MPP7: variants seen among roughly 807,000 people sequenced by gnomAD.
The protein encoded by MPP7 is MAGUK p55 scaffold protein 7.
Under a neutral mutation model 76.5 loss-of-function variants are expected in MPP7, and 60 were observed. That is an observed-to-expected ratio of 0.78 (90% CI 0.64 to 0.97). The LOEUF is 0.97. Among genes scored for constraint, MPP7 ranks in the 50% least tolerant of loss-of-function variants. The pLI, the probability that MPP7 is intolerant of heterozygous loss-of-function variation, is 0.00. For synonymous variants in MPP7, 237 were observed against 244.5 expected (o/e 0.97, Z 0.29); for missense variants, 641 against 694.0 (o/e 0.92, Z 0.86).
At chr10:28,121,935 TCA>T (rs1207188213) in intron 8 of MPP7, among the ~76,000 whole-genome samples, 2 of 152,168 alleles carry the variant, frequency 1.3e-5, no homozygotes, top group Admixed American at 6.5e-5. Context: ...AAATGGTGCA[TCA>T]CACAGTCAGC....
intron 2 of MPP7, among the ~76,000 whole-genome samples, chr10:28,228,497 G>A (rs561733070): frequency 2.6e-5 from 4 of 152,268 alleles, no homozygotes; most frequent in Non-Finnish European, 4.4e-5. Context: ...CAGGCACAGT[G>A]GCTCACACCT....
chr10:28,252,830 G>C (rs1467294621), intron 1 of MPP7, among the ~76,000 whole-genome samples: 1 of 152,060 alleles, frequency 6.6e-6, no homozygotes, highest in Non-Finnish European at 1.5e-5. Flanking sequence ...ACATCCACGT[G>C]TGGCAGAAAT....
intron 1 of MPP7, among the ~76,000 whole-genome samples, chr10:28,273,164 C>T (rs1840382249): frequency 6.6e-6 from 1 of 152,144 alleles, no homozygotes; most frequent in African/African-American, 2.4e-5. Context: ...GTGATCCACC[C>T]ACCTCGGCCT....
chr10:28,194,134 C>T lies in MPP7; in HGVS notation c.156+8019G>A, dbSNP rs61843023. 4.0e-3 allele frequency among the ~76,000 whole-genome samples: 605 copies of T among 152,328 alleles called. 1 individual carries two copies. Among genetic ancestry groups the T allele is most frequent in the South Asian group, 9.3e-3 (45 of 4,828 alleles). On this transcript the variant is annotated intron_variant, in intron 3 of 16. Transcript: ENST00000683449. ...GATTCAAGCGATTCTTCTGCCTCAG[C>T]TTCTCAAGTAGCTGGGACTACAGGC...
upstream of MPP7, among the ~76,000 whole-genome samples, chr10:28,304,615 C>G (rs1251738411): frequency 6.6e-6 from 1 of 152,094 alleles, no homozygotes. Context: ...AAACTGTAGT[C>G]TAAAAATACG....
At chr10:28,287,338 T>C (rs10826441) in intron 1 of MPP7, among the ~76,000 whole-genome samples, 24,167 of 152,038 alleles carry the variant, frequency 0.16, 2,655 homozygotes, top group East Asian at 0.53. Context: ...GTGTTTTTAA[T>C]ACACAAAATA....
intron 3 of MPP7, among the ~76,000 whole-genome samples, chr10:28,168,167 G>T (rs1057385427): frequency 6.6e-6 from 1 of 151,930 alleles, no homozygotes. Flanking sequence ...CTCAGTAGGC[G>T]GAGGCTGCAG....
Position 28,124,727 on chromosome 10 carries a change from C to T in MPP7, c.529+283G>A, listed in dbSNP as rs1588811327. On this transcript the variant is annotated intron_variant, in intron 7 of 16. Transcript: ENST00000683449. ...ATTGATCTCCTGACCTCGTGATCCA[C>T]CCGCCTTGGCCTCCAAAAGTGCTGG... Among the ~76,000 whole-genome samples the T allele has an allele frequency of 2.0e-5, 3 of 152,018 alleles. 1 individual carries two copies. The highest frequency in any genetic ancestry group is 4.4e-5 in the Non-Finnish European group (3 of 67,994).
At chr10:28,085,136 C>T (rs1235093351) in intron 12 of MPP7, among the ~76,000 whole-genome samples, 2 of 152,048 alleles carry the variant, frequency 1.3e-5, no homozygotes, top group Non-Finnish European at 2.9e-5. Flanking sequence ...CAAGTACTGC[C>T]CTAATTTTAA....
chr10:28,209,450 C>G (rs182500775), intron 2 of MPP7, among the ~76,000 whole-genome samples: 188 of 141,944 alleles, frequency 1.3e-3, no homozygotes, highest in Admixed American at 2.2e-3. Flanking sequence ...GCCTGAGTGA[C>G]AGAATGAAAT....
At chr10:28,301,736 A>C (rs1361792349) in intron 1 of MPP7, among the ~76,000 whole-genome samples, 1 of 152,174 alleles carries the variant, frequency 6.6e-6, no homozygotes, top group Non-Finnish European at 1.5e-5. Flanking sequence ...CATACTATAT[A>C]ATTGATAGAG....
At chr10:28,229,931 C>A (rs1396087002) in intron 2 of MPP7, among the ~76,000 whole-genome samples, 1 of 151,316 alleles carries the variant, frequency 6.6e-6, no homozygotes, top group African/African-American at 2.4e-5. Flanking sequence ...ACAATGATAT[C>A]TTCAAGGTCT....
At chr10:28,314,180 A>G (rs946683909) in intron 2 of MPP7, among the ~76,000 whole-genome samples, 6 of 152,198 alleles carry the variant, frequency 3.9e-5, no homozygotes, top group African/African-American at 1.2e-4. Context: ...CATTCAACAA[A>G]CATTTACTGA....
Position 28,051,119 on chromosome 10 carries a change from T to C in MPP7, c.*2946A>G, listed in dbSNP as rs1349289817. 1.3e-5 allele frequency: 2 copies of C among 152,222 alleles called. No individual in the cohort carries two copies. The highest frequency in any genetic ancestry group is 4.8e-5 in the African/African-American group (2 of 41,466). 9.4% of individuals were successfully genotyped at this position (152,222 alleles called of 1,614,324 possible). ...AGTATAATGGAATAGATCACAATAG[T>C]AGTATAATAAAATAGAATATCCAAG... On this transcript the variant is annotated 3_prime_UTR_variant, in exon 17 of 17. Transcript: ENST00000683449.
chr10:28,251,266 A>G (rs1195636525), intron 1 of MPP7, among the ~76,000 whole-genome samples: 2 of 152,184 alleles, frequency 1.3e-5, no homozygotes. Flanking sequence ...GGAGTTTGAG[A>G]CCAGCCTGGC....
intron 1 of MPP7, among the ~76,000 whole-genome samples, chr10:28,240,709 T>C (rs552384346): frequency 6.6e-6 from 1 of 152,246 alleles, no homozygotes; most frequent in Admixed American, 6.5e-5. Context: ...TAAATTATTC[T>C]AAAAAATCAG....
At chr10:28,271,486 G>A (rs183052234) in intron 1 of MPP7, among the ~76,000 whole-genome samples, 14 of 152,270 alleles carry the variant, frequency 9.2e-5, no homozygotes, top group African/African-American at 2.6e-4. Context: ...GAAATACCTT[G>A]TCTAATGTAT....
At chr10:28,074,385 C>T (rs1470349797) in intron 12 of MPP7, among the ~76,000 whole-genome samples, 1 of 152,068 alleles carries the variant, frequency 6.6e-6, no homozygotes, top group African/African-American at 2.4e-5. Context: ...GCAACCTCCG[C>T]TTCCTGGGTT....
At chr10:28,289,675 A>G (rs1253381507) in intron 1 of MPP7, among the ~76,000 whole-genome samples, 1 of 152,222 alleles carries the variant, frequency 6.6e-6, no homozygotes, top group Admixed American at 6.5e-5. Context: ...AATGAGTGAC[A>G]GGATCCACCC....
Sources: allele counts gnomAD v4.1 joint callset (sites outside exome capture counted in the v4.1 genomes callset), GRCh38; gene constraint gnomAD v4.1.1; transcripts MANE v1.5; gene names NCBI Gene and HGNC (gene_info 2026-07-23, HGNC 2026-07-21).